Variants in ZNF569 observed in about 807,000 individuals in gnomAD.
ZNF569 encodes the protein zinc finger protein 569.
In ZNF569, 38 loss-of-function variants were observed where a neutral mutation model predicts 56.3. The ratio of observed to expected loss-of-function variants is 0.68; its 90% confidence interval spans 0.52 to 0.88. ZNF569 has a LOEUF of 0.88. Among genes scored for constraint, ZNF569 ranks in the 40% least tolerant of loss-of-function variants. The probability of loss-of-function intolerance (pLI) is 0.00; values close to 1 mark genes in which losing one functional copy is unlikely to be tolerated. For missense variants in ZNF569, 666 were observed against 809.2 expected, an observed-to-expected ratio of 0.82 and a Z score of 2.15; for synonymous variants, 241 against 262.9, an observed-to-expected ratio of 0.92 and a Z score of 0.81.
chr19:37,457,380 T>C (rs2041689756), intron 2 of ZNF569, among the ~76,000 whole-genome samples: 1 of 152,064 alleles, frequency 6.6e-6, no homozygotes, highest in Non-Finnish European at 1.5e-5. Flanking sequence ...TTGCCCAAAA[T>C]TTACTGGCTT....
chr19:37,441,530 C>T (rs767494585), intron 3 of ZNF569, among the ~76,000 whole-genome samples: 10 of 151,620 alleles, frequency 6.6e-5, no homozygotes, highest in Non-Finnish European at 1.2e-4. Flanking sequence ...CATGGGGGCA[C>T]GTGCCTGTAC....
chr19:37,451,467 G>A (rs1267540362), intron 2 of ZNF569, among the ~76,000 whole-genome samples: 2 of 150,902 alleles, frequency 1.3e-5, no homozygotes, highest in African/African-American at 4.9e-5. Flanking sequence ...TGTTATTCAA[G>A]TCAAATGTTT....
chr19:37,446,423 G>A (rs1165626911), intron 2 of ZNF569, among the ~76,000 whole-genome samples: 1 of 151,896 alleles, frequency 6.6e-6, no homozygotes, highest in Non-Finnish European at 1.5e-5. Context: ...GGTGGCAGGT[G>A]CCTGTAATCC....
At chr19:37,429,647 G>A (rs2041193410) in intron 3 of ZNF569, among the ~76,000 whole-genome samples, 1 of 152,184 alleles carries the variant, frequency 6.6e-6, no homozygotes, top group African/African-American at 2.4e-5. Flanking sequence ...CTTTCATGCT[G>A]AGGTCATGAC....
chr19:37,466,177 C>T (rs540548452), intron 1 of ZNF569, among the ~76,000 whole-genome samples: 1 of 152,266 alleles, frequency 6.6e-6, no homozygotes, highest in South Asian at 2.1e-4. Context: ...TCGAGCTTTT[C>T]TGTATTTTTC....
chr19:37,452,885 A>T (rs188638744), intron 2 of ZNF569, among the ~76,000 whole-genome samples: 61 of 152,234 alleles, frequency 4.0e-4, no homozygotes, highest in African/African-American at 1.4e-3. Context: ...CATTACTTTT[A>T]AAATAAGCTT....
upstream of ZNF569, chr19:37,468,113 C>T: frequency 1.6e-6 from 1 of 638,158 alleles, no homozygotes; most frequent in South Asian, 2.0e-5. Flanking sequence ...GAGGCAGAGC[C>T]TCACTTTGTT....
upstream of ZNF569, among the ~76,000 whole-genome samples, chr19:37,468,540 G>A (rs2041891752): frequency 6.6e-6 from 1 of 152,058 alleles, no homozygotes; most frequent in East Asian, 2.0e-4. Flanking sequence ...CTGTCGCTCA[G>A]GCTGGAGTGC....
chr19:37,413,540 A>C lies in ZNF569; in HGVS notation c.1118T>G (p.Val373Gly). ...FSQFSMLIIH[V>G]RIHTGEKPYE... ...GGGTTTTTCACCTGTATGAATTCTAACATGTATAATAAGCATGGAAAACTG... is the reference window on the plus strand; with the variant it reads ...GGGTTTTTCACCTGTATGAATTCTACCATGTATAATAAGCATGGAAAACTG... The change falls in exon 6 of 6, where the codon GTT becomes GGT. Residue 373 changes from valine (V) to glycine (G), a missense_variant. Coordinates refer to ENST00000316950, the MANE Select transcript of ZNF569 (RefSeq NM_152484.3). 1 of 1,612,846 alleles carries C rather than the reference A, an allele frequency of 6.2e-7. No homozygotes were observed. Among genetic ancestry groups the C allele is most frequent in the South Asian group, 1.1e-5 (1 of 90,920 alleles).
At position 37,413,340 on chromosome 19, in the gene ZNF569, A is replaced by G; in HGVS notation, c.1318T>C (p.Cys440Arg). ...KIHTREKPYECNECGKAFIQM... is the reference protein window; with the variant it reads ...KIHTREKPYERNECGKAFIQM... ...ATAAAAGCTTTCCCACATTCATTAC[A>G]CTCATAAGGTTTCTCTCTAGTATGA... The change falls in exon 6 of 6, where the codon TGT (cysteine) becomes CGT (arginine). Residue 440 changes from cysteine (C) to arginine (R), a missense_variant. Physicochemically the swap from Cys to Arg is radical, Grantham distance 180. Transcript: ENST00000316950. The G allele has an allele frequency of 6.2e-7, 1 of 1,606,082 alleles. No individual in the cohort carries two copies. The highest frequency in any genetic ancestry group is 8.5e-7 in the Non-Finnish European group (1 of 1,177,586).
intron 1 of ZNF569, among the ~76,000 whole-genome samples, chr19:37,466,129 G>A (rs2041829771): frequency 6.6e-6 from 1 of 152,156 alleles, no homozygotes; most frequent in African/African-American, 2.4e-5. Flanking sequence ...TTTGACAGTA[G>A]TTGCATGGCC....
intron 5 of ZNF569, among the ~76,000 whole-genome samples, chr19:37,421,954 T>C (rs1316782546): frequency 6.6e-5 from 10 of 152,036 alleles, no homozygotes; most frequent in Non-Finnish European, 1.3e-4. Flanking sequence ...TTCACCATGT[T>C]GCCCAGTCTG....
chr19:37,443,173 C>T (rs1355027266), intron 3 of ZNF569, among the ~76,000 whole-genome samples: 1 of 152,144 alleles, frequency 6.6e-6, no homozygotes, highest in Non-Finnish European at 1.5e-5. Context: ...AGGGTGAAAC[C>T]CTGTCTCTAC....
chr19:37,417,986 A>G (rs1050862860), intron 5 of ZNF569, among the ~76,000 whole-genome samples: 2 of 151,930 alleles, frequency 1.3e-5, no homozygotes, highest in African/African-American at 4.8e-5. Flanking sequence ...CTGTAGTCCC[A>G]GCTACTCGGG....
chr19:37,453,961 T>C (rs779023828), intron 2 of ZNF569, among the ~76,000 whole-genome samples: 1 of 152,222 alleles, frequency 6.6e-6, no homozygotes, highest in African/African-American at 2.4e-5. Context: ...ATAATCTTCA[T>C]TGAAGGCTGT....
intron 3 of ZNF569, among the ~76,000 whole-genome samples, chr19:37,434,244 G>A (rs1568730187): frequency 6.7e-6 from 1 of 149,924 alleles, no homozygotes; most frequent in Admixed American, 6.7e-5. Flanking sequence ...AGGTTGCAGT[G>A]AGCCGAGATT....
intron 2 of ZNF569, among the ~76,000 whole-genome samples, chr19:37,453,366 G>A (rs2041624668): frequency 6.6e-6 from 1 of 152,150 alleles, no homozygotes; most frequent in South Asian, 2.1e-4. Flanking sequence ...TCTGTGAATT[G>A]TTGCTGAATT....
At chr19:37,468,247 G>A (rs182951874), upstream of ZNF569, among the ~76,000 whole-genome samples, 166 of 151,880 alleles carry the variant, frequency 1.1e-3, no homozygotes, top group African/African-American at 3.5e-3. Context: ...CACTCCGCCC[G>A]GCTGATTTTT....
chr19:37,428,792 A>G (rs2041178175), intron 3 of ZNF569, among the ~76,000 whole-genome samples: 1 of 150,964 alleles, frequency 6.6e-6, no homozygotes. Flanking sequence ...CTCCTGCCTC[A>G]GTCTCCCAAA....
Sources: gnomAD v4.1 joint callset for allele counts (sites outside exome capture counted in the v4.1 genomes callset) on GRCh38, gnomAD v4.1.1 for gene constraint, MANE v1.5 for transcripts, NCBI Gene and HGNC (gene_info 2026-07-23, HGNC 2026-07-21) for gene names.